ASCC3: variants seen among roughly 807,000 people sequenced by gnomAD.
The protein encoded by ASCC3 is ASC-1 complex subunit P200.
ASCC3 carries 158 observed loss-of-function variants against 256.3 expected under a neutral mutation model. The ratio of observed to expected loss-of-function variants is 0.62; its 90% CI spans 0.54 to 0.70. The LOEUF is 0.70. ASCC3 is among the 30% of genes least tolerant of loss of function. The pLI, the probability that ASCC3 is intolerant of heterozygous loss-of-function variation, is 0.00. For missense variants in ASCC3, 2,259 were observed against 2,626.0 expected, an observed-to-expected ratio of 0.86 and a Z score of 3.05; for synonymous variants, 948 against 883.4, an observed-to-expected ratio of 1.07 and a Z score of -1.30.
At chr6:100,660,386 C>T (rs1190018141) in intron 16 of ASCC3, among the ~76,000 whole-genome samples, 1 of 151,560 alleles carries the variant, frequency 6.6e-6, no homozygotes, top group African/African-American at 2.4e-5. Flanking sequence ...TTCACTGCCA[C>T]TATCATTTTA....
intron 13 of ASCC3, among the ~76,000 whole-genome samples, chr6:100,710,355 C>A (rs1414669904): frequency 2.6e-5 from 4 of 152,064 alleles, no homozygotes; most frequent in African/African-American, 9.7e-5. Flanking sequence ...AGCAACCAGC[C>A]CCTGGTAACC....
chr6:100,517,853 C>A, intron 38 of ASCC3, 138 bp downstream of exon 38: 1 of 967,242 alleles, frequency 1.0e-6, no homozygotes, highest in Non-Finnish European at 1.5e-6. Flanking sequence ...TTGGCCATGT[C>A]TCACTCTGGG....
At chr6:100,550,282 G>A (rs777725728) in intron 36 of ASCC3, among the ~76,000 whole-genome samples, 1 of 151,602 alleles carries the variant, frequency 6.6e-6, no homozygotes, top group Non-Finnish European at 1.5e-5. Context: ...AACCTGCATT[G>A]GGTCTACAGA....
intron 18 of ASCC3, 100 bp from the exon 19 acceptor site, chr6:100,651,746 C>A: frequency 3.9e-6 from 2 of 510,498 alleles, no homozygotes; most frequent in South Asian, 3.7e-5. Context: ...GAAATTTGAG[C>A]CCTAGACAGT....
At chr6:100,842,448 T>C (rs1488753050) in intron 4 of ASCC3, among the ~76,000 whole-genome samples, 1 of 152,190 alleles carries the variant, frequency 6.6e-6, no homozygotes, top group Non-Finnish European at 1.5e-5. Flanking sequence ...TGTAATGTAG[T>C]GGACTTTTGC....
At chr6:100,717,205 G>A (rs1413451970) in intron 12 of ASCC3, among the ~76,000 whole-genome samples, 3 of 151,786 alleles carry the variant, frequency 2.0e-5, no homozygotes, top group African/African-American at 7.2e-5. Context: ...CAGTCACTTT[G>A]GATATTTTTA....
chr6:100,678,199 T>G (rs1025435345), intron 14 of ASCC3, among the ~76,000 whole-genome samples: 2 of 152,148 alleles, frequency 1.3e-5, no homozygotes, highest in African/African-American at 4.8e-5. Context: ...AATAGTTATC[T>G]GAATTGAGAT....
intron 32 of ASCC3, among the ~76,000 whole-genome samples, chr6:100,606,442 C>A (rs1278498259): frequency 6.6e-6 from 1 of 152,046 alleles, no homozygotes; most frequent in Non-Finnish European, 1.5e-5. Flanking sequence ...TCACTAATAG[C>A]TCCTAAGAAG....
In ASCC3 at chr6:100,631,136, A is replaced by G; in HGVS notation, c.4200T>C (p.Leu1400=). The change falls in exon 26 of 42, where the codon CTT becomes CTC. Residue 1400 remains leucine (L), a synonymous_variant. Coordinates refer to ENST00000369162, the MANE Select transcript of ASCC3 (RefSeq NM_006828.4). The stretch of plus-strand genomic sequence containing the variant: ...TAAAAGTAAGAACTTACTTTTTACC[A>G]AGTTTTTCTTCTATTCTAACTTTCC... ...DDWKVRIEEK[L]GKKVIELTGD... is the part of the protein sequence containing the mutation. The G allele has an allele frequency of 6.2e-7, 1 of 1,609,384 alleles. No individual in the cohort carries two copies. Among genetic ancestry groups the G allele is most frequent in the Non-Finnish European group, 8.5e-7 (1 of 1,176,450 alleles).
intron 36 of ASCC3, among the ~76,000 whole-genome samples, chr6:100,544,343 G>T (rs1775603344): frequency 1.3e-5 from 2 of 151,832 alleles, no homozygotes; most frequent in Non-Finnish European, 2.9e-5. Context: ...ACTGAAATAG[G>T]AAACAAATAC....
chr6:100,644,876 A>G (rs1295011689), intron 22 of ASCC3, among the ~76,000 whole-genome samples: 1 of 152,228 alleles, frequency 6.6e-6, no homozygotes, highest in Admixed American at 6.5e-5. Context: ...GCAAACAAAA[A>G]ATCCTGAAAA....
At chr6:100,800,224 T>C in intron 6 of ASCC3, 76 bp downstream of exon 6, 1 of 1,507,432 alleles carries the variant, frequency 6.6e-7, no homozygotes, top group Non-Finnish European at 9.2e-7. Flanking sequence ...CTGCTAAGAC[T>C]AAACTAAAAA....
At chr6:100,836,275 T>TATGTACTATGGAC (rs1771869563) in intron 4 of ASCC3, among the ~76,000 whole-genome samples, 1 of 152,118 alleles carries the variant, frequency 6.6e-6, no homozygotes, top group Admixed American at 6.6e-5. Context: ...TGGCTAGGAC[T>TATGTACTATGGAC]TCAAGTACTA....
intron 10 of ASCC3, among the ~76,000 whole-genome samples, chr6:100,759,958 A>C (rs1781353554): frequency 6.6e-6 from 1 of 151,876 alleles, no homozygotes; most frequent in Non-Finnish European, 1.5e-5. Flanking sequence ...CTGCTTGTCT[A>C]TTGTTGGTGT....
At chr6:100,813,747 G>A (rs972539798) in intron 4 of ASCC3, among the ~76,000 whole-genome samples, 8 of 151,902 alleles carry the variant, frequency 5.3e-5, no homozygotes, top group Admixed American at 2.0e-4. Context: ...AATAACAGTC[G>A]GAGGGTGCAA....
intron 16 of ASCC3, among the ~76,000 whole-genome samples, chr6:100,657,530 T>C (rs1204651659): frequency 6.6e-6 from 1 of 151,504 alleles, no homozygotes; most frequent in African/African-American, 2.4e-5. Context: ...TATATTCCCA[T>C]CATGACTTTA....
At chr6:100,639,497 GA>G (rs1467825116) in intron 24 of ASCC3, among the ~76,000 whole-genome samples, 1 of 152,108 alleles carries the variant, frequency 6.6e-6, no homozygotes, top group African/African-American at 2.4e-5. Context: ...CCATAATCCA[GA>G]AAGGTATCAG....
At chr6:100,741,670 T>C (rs1307696360) in intron 10 of ASCC3, among the ~76,000 whole-genome samples, 1 of 152,200 alleles carries the variant, frequency 6.6e-6, no homozygotes, top group African/African-American at 2.4e-5. Flanking sequence ...GCTTGGTCTA[T>C]TCTGCTACTG....
At position 100,625,175 on chromosome 6, in the gene ASCC3, T is replaced by C. The variant is rs778250468; in HGVS notation, c.4785+17A>G. 73 of 1,611,734 alleles carry C rather than the reference T, an allele frequency of 4.5e-5. No individual in the cohort carries two copies. Among genetic ancestry groups the C allele is most frequent in the Non-Finnish European group, 6.2e-5 (73 of 1,178,502 alleles). On this transcript the variant is annotated intron_variant, in intron 30 of 41. Coordinates refer to ENST00000369162, the MANE Select transcript of ASCC3 (RefSeq NM_006828.4). ...CCTGAAACGTGTAAGTAGTAGAAGA[T>C]AAAATATGTTGCTTACCTCTCTTTC...
Sources: allele counts gnomAD v4.1 joint callset (sites outside exome capture counted in the v4.1 genomes callset), GRCh38; gene constraint gnomAD v4.1.1; transcripts MANE v1.5; gene names NCBI Gene and HGNC (gene_info 2026-07-23, HGNC 2026-07-21).